ANK3: variants seen among roughly 807,000 people sequenced by gnomAD.
The protein encoded by ANK3 is ankyrin-3.
In ANK3, 57 loss-of-function variants were observed where a neutral mutation model predicts 370.9. The ratio of observed to expected loss-of-function variants is 0.15; its 90% confidence interval spans 0.12 to 0.19. The LOEUF is 0.19. Among genes scored for constraint, ANK3 ranks in the 10% least tolerant of loss-of-function variants. The probability of loss-of-function intolerance (pLI) is 1.00; values close to 1 mark genes in which losing one functional copy is unlikely to be tolerated. For synonymous variants in ANK3, 1,929 were observed against 1,946.3 expected (o/e 0.99, Z 0.23); for missense variants, 4,439 against 5,302.1 (o/e 0.84, Z 5.06).
chr10:60,283,276 T>C (rs1304454864), intron 1 of ANK3, among the ~76,000 whole-genome samples: 1 of 151,390 alleles, frequency 6.6e-6, no homozygotes, highest in Non-Finnish European at 1.5e-5. Flanking sequence ...GTGGGTTGTA[T>C]CTCACTGCCG....
intron 2 of ANK3, among the ~76,000 whole-genome samples, chr10:60,485,024 T>C (rs1176284668): frequency 6.6e-6 from 1 of 151,996 alleles, no homozygotes; most frequent in Non-Finnish European, 1.5e-5. Context: ...AGAAAAATAA[T>C]AAAGTACCAC....
At chr10:60,043,133 A>C (rs2076401232) in intron 42 of ANK3, 10 of 1,001,394 alleles carry the variant, frequency 1.0e-5, no homozygotes, top group South Asian at 4.5e-5. Context: ...TTAGTTAAGT[A>C]CTAATCCATG....
intron 1 of ANK3, among the ~76,000 whole-genome samples, chr10:60,679,727 G>A (rs2079169989): frequency 6.6e-6 from 1 of 152,110 alleles, no homozygotes; most frequent in African/African-American, 2.4e-5. Context: ...CCACGTCAAG[G>A]GTTGGACAGC....
In ANK3 at chr10:60,070,915, A is replaced by T. The variant is rs778480401; in HGVS notation, c.9966T>A (p.Ser3322=). The change falls in exon 37 of 44, where the codon TCT becomes TCA. Residue 3322 remains serine (S), a synonymous_variant. Coordinates refer to ENST00000280772, the MANE Select transcript of ANK3 (RefSeq NM_020987.5). This position sits in a 1 kb window ranked among gnomAD's most constrained non-coding sequence, Gnocchi z 5.7. ...ADVSDSSDDE[S]IYQPVPVKKY... ...TTTTAACTGGGACTGGCTGATAAAT[A>T]GATTCGTCATCGCTTGAATCACTGA... The T allele has an allele frequency of 3.1e-6, 5 of 1,614,078 alleles. No individual in the cohort carries two copies. In the East Asian group the frequency reaches 1.1e-4, roughly 36 times the overall value.
At chr10:60,581,518 G>A (rs573441967) in intron 2 of ANK3, among the ~76,000 whole-genome samples, 3 of 149,666 alleles carry the variant, frequency 2.0e-5, no homozygotes, top group Admixed American at 6.7e-5. Flanking sequence ...TTTGCCACCC[G>A]GGTTCAAGTG....
intron 1 of ANK3, among the ~76,000 whole-genome samples, chr10:60,346,445 A>G (rs1346115917): frequency 6.1e-5 from 1 of 16,414 alleles, no homozygotes; most frequent in Non-Finnish European, 2.9e-4. Context: ...TAGGCATACA[A>G]AAAAGTACTC....
At chr10:60,301,375 C>G (rs2043758799) in intron 1 of ANK3, among the ~76,000 whole-genome samples, 1 of 149,518 alleles carries the variant, frequency 6.7e-6, no homozygotes, top group Non-Finnish European at 1.5e-5. Flanking sequence ...GATACACACA[C>G]ACACACATAC....
intron 42 of ANK3, among the ~76,000 whole-genome samples, chr10:60,047,336 T>TAAC (rs1313639681): frequency 5.3e-5 from 8 of 152,248 alleles, no homozygotes; most frequent in Admixed American, 3.3e-4. Flanking sequence ...CTGCATTTTA[T>TAAC]AACTTTTATT....
intron 2 of ANK3, among the ~76,000 whole-genome samples, chr10:60,590,145 T>A (rs1011091256): frequency 6.6e-6 from 1 of 152,176 alleles, no homozygotes; most frequent in African/African-American, 2.4e-5. Flanking sequence ...CATGGCCAAC[T>A]CTTGGAATCC....
rs111811943 is a variant in ANK3, at chr10:60,134,198, A to C, written c.2841+73T>G. The stretch of plus-strand genomic sequence containing the variant: ...CATGCAGAAATATATTTTTTGTCAC[A>C]AGACAGAGAGCTTGATTAAATCATA... On this transcript the variant is annotated intron_variant, in intron 25 of 43. Coordinates refer to ENST00000280772, the MANE Select transcript of ANK3 (RefSeq NM_020987.5). The C allele has an allele frequency of 2.6e-3, 3,163 of 1,239,298 alleles. 70 individuals carry two copies. The African/African-American group carries it at 0.042, about 16-fold the overall frequency. 76.8% of individuals were successfully genotyped at this position (1,239,298 alleles called of 1,614,324 possible).
At chr10:60,343,119 C>G (rs2132989237) in intron 1 of ANK3, among the ~76,000 whole-genome samples, 1 of 152,296 alleles carries the variant, frequency 6.6e-6, no homozygotes, top group East Asian at 1.9e-4. Context: ...AAGATCAGTC[C>G]TATCCCTTTA....
intron 2 of ANK3, among the ~76,000 whole-genome samples, chr10:60,466,363 C>T (rs2065011970): frequency 6.6e-6 from 1 of 152,106 alleles, no homozygotes; most frequent in Non-Finnish European, 1.5e-5. Context: ...CCTCACGATG[C>T]CAATAACGCC....
At chr10:60,413,655 G>A (rs879574503) in intron 2 of ANK3, among the ~76,000 whole-genome samples, 4 of 152,232 alleles carry the variant, frequency 2.6e-5, no homozygotes, top group East Asian at 1.9e-4. Context: ...AAAGGGACTC[G>A]AAATGTTCTA....
At chr10:60,607,061 A>G (rs752592927) in intron 2 of ANK3, among the ~76,000 whole-genome samples, 8 of 152,188 alleles carry the variant, frequency 5.3e-5, no homozygotes, top group Non-Finnish European at 1.2e-4. Flanking sequence ...AGGCCTATAA[A>G]GAAAAATAGT....
chr10:60,072,069 C>T lies in ANK3; in HGVS notation c.8812G>A (p.Gly2938Arg). 6.2e-7 allele frequency: 1 copy of T among 1,614,102 alleles called. No homozygotes were observed. Among genetic ancestry groups the T allele is most frequent in the South Asian group, 1.1e-5 (1 of 91,084 alleles). ...TCAAGCAATCCGCCTGGATGGTCCC[C>T]TTCTTTCACAACATATTCCCTATAT... Reference protein sequence around the residue: ...VLYREYVVKEGDHPGGLLDQP... With the variant: ...VLYREYVVKERDHPGGLLDQP... Residue 2938 changes from glycine (G) to arginine (R), a missense_variant, in exon 37 of 44, where the codon GGG becomes AGG. Coordinates refer to ENST00000280772, the MANE Select transcript of ANK3 (RefSeq NM_020987.5).
At chr10:60,049,050 T>G (rs1291308293) in intron 42 of ANK3, among the ~76,000 whole-genome samples, 3 of 152,166 alleles carry the variant, frequency 2.0e-5, no homozygotes, top group Non-Finnish European at 2.9e-5. Context: ...GCAACAGAAG[T>G]GTGACTCTTT....
At chr10:60,573,632 A>G (rs1035492160) in intron 2 of ANK3, among the ~76,000 whole-genome samples, 3 of 152,174 alleles carry the variant, frequency 2.0e-5, no homozygotes, top group Non-Finnish European at 4.4e-5. Context: ...CCCCCTCACC[A>G]TGCCTTCCAT....
Position 60,556,165 on chromosome 10 carries a change from A to G in ANK3, c.96+59021T>C, listed in dbSNP as rs190395250. On this transcript the variant is annotated intron_variant, in intron 2 of 43. Coordinates refer to the ANK3 transcript ENST00000373827. ...TTCTACTAGAAAATGATAATTACAT[A>G]CTATTTGAGCCATGGTTAAGTTAAC... 2.1e-3 allele frequency among the ~76,000 whole-genome samples: 324 copies of G among 152,320 alleles called. 3 individuals carry two copies. Among genetic ancestry groups the G allele is most frequent in the African/African-American group, 7.3e-3 (303 of 41,564 alleles).
intron 1 of ANK3, among the ~76,000 whole-genome samples, chr10:60,353,699 G>T (rs945693125): frequency 3.3e-5 from 5 of 152,148 alleles, no homozygotes; most frequent in African/African-American, 9.7e-5. Flanking sequence ...TGGGGAAAGG[G>T]GAAACCAGGA....
Sources: allele counts gnomAD v4.1 joint callset (sites outside exome capture counted in the v4.1 genomes callset), GRCh38; gene constraint gnomAD v4.1.1; non-coding constraint Gnocchi (gnomAD v3.1); transcripts MANE v1.5; gene names NCBI Gene and HGNC (gene_info 2026-07-23, HGNC 2026-07-21).